Variants in ABCC9 observed in about 807,000 individuals in gnomAD.
ABCC9 encodes the protein ATP-binding cassette sub-family C member 9.
A neutral mutation model predicts 188.3 loss-of-function variants in ABCC9; 95 were observed. The observed-to-expected ratio is 0.50, with a 90% CI of 0.43 to 0.60. The LOEUF (loss-of-function observed/expected upper bound fraction) is 0.60, where lower values mean the gene tolerates loss of function less well. ABCC9 is among the 20% of genes least tolerant of loss of function. The probability of loss-of-function intolerance (pLI) is 0.00; values close to 1 mark genes in which losing one functional copy is unlikely to be tolerated. For missense variants in ABCC9, 1,102 were observed against 1,876.3 expected (o/e 0.59, Z 7.62); for synonymous variants, 659 against 652.7 (o/e 1.01, Z -0.15).
intron 15 of ABCC9, among the ~76,000 whole-genome samples, chr12:21,887,420 G>A (rs1946935292): frequency 6.6e-6 from 1 of 152,038 alleles, no homozygotes; most frequent in Non-Finnish European, 1.5e-5. Flanking sequence ...AATAAAAAGA[G>A]ACAATGTAAT....
At chr12:21,923,641 G>A in intron 5 of ABCC9, 2 of 549,032 alleles carry the variant, frequency 3.6e-6, no homozygotes, top group Non-Finnish European at 6.5e-6. Context: ...TGATGAACAT[G>A]TGGAACTGGA....
chr12:21,847,670 G>A (rs751351300), intron 25 of ABCC9, among the ~76,000 whole-genome samples: 15 of 138,754 alleles, frequency 1.1e-4, no homozygotes, highest in Admixed American at 7.0e-4. Context: ...CTGGAAAACT[G>A]AAACATAACA....
chr12:21,863,154 A>G, intron 19 of ABCC9, 100 bp from the exon 20 acceptor site: 1 of 787,698 alleles, frequency 1.3e-6, no homozygotes, highest in Non-Finnish European at 2.1e-6. Context: ...TTAGTAAACT[A>G]TCTCAGATAC....
intron 14 of ABCC9, among the ~76,000 whole-genome samples, chr12:21,893,668 G>T (rs1014904681): frequency 1.3e-5 from 2 of 152,014 alleles, no homozygotes; most frequent in Admixed American, 6.5e-5. Flanking sequence ...TTATGTTAGG[G>T]AGAAAATAGA....
chr12:21,913,473 T>G (rs1214404349), intron 7 of ABCC9, among the ~76,000 whole-genome samples: 1 of 152,156 alleles, frequency 6.6e-6, no homozygotes, highest in Non-Finnish European at 1.5e-5. Context: ...ACATCAAGGT[T>G]ATAGGCAGAC....
intron 24 of ABCC9, among the ~76,000 whole-genome samples, chr12:21,851,616 A>G (rs1592068892): frequency 6.6e-6 from 1 of 152,272 alleles, no homozygotes; most frequent in Non-Finnish European, 1.5e-5. Context: ...CTTTCACCCC[A>G]GAAGCCTTAT....
At chr12:21,850,853 A>G (rs1944928348) in intron 24 of ABCC9, among the ~76,000 whole-genome samples, 1 of 152,020 alleles carries the variant, frequency 6.6e-6, no homozygotes, top group Non-Finnish European at 1.5e-5. Context: ...ACTGTACCTG[A>G]TACTGTTTTG....
At chr12:21,838,045 C>T (rs1201631024) in intron 30 of ABCC9, 33 bp downstream of exon 30, 1 of 1,472,654 alleles carries the variant, frequency 6.8e-7, no homozygotes, top group Non-Finnish European at 9.5e-7. Flanking sequence ...ATGTTATTGC[C>T]TAGTCAGCTA....
At chr12:21,875,249 A>T (rs945750326) in intron 17 of ABCC9, among the ~76,000 whole-genome samples, 1 of 145,128 alleles carries the variant, frequency 6.9e-6, no homozygotes, top group Non-Finnish European at 1.5e-5. Context: ...AAAACTTTTT[A>T]AAAATATTAA....
chr12:21,845,836 C>G lies in ABCC9; in HGVS notation c.2867-4G>C. The G allele has an allele frequency of 6.2e-7, 1 of 1,611,800 alleles. No individual in the cohort carries two copies. The highest frequency in any genetic ancestry group is 8.5e-7 in the Non-Finnish European group (1 of 1,179,398). Reference sequence around the variant, plus strand: ...TCATCTTCCTCCTCTTCTTCCTCTACATACAAAAAACTTTTGTTTAAGCTT... The same window carrying G: ...TCATCTTCCTCCTCTTCTTCCTCTAGATACAAAAAACTTTTGTTTAAGCTT... On this transcript the variant is annotated splice_region_variant and splice_polypyrimidine_tract_variant and intron_variant, in intron 25 of 39. Coordinates refer to ENST00000261200, the MANE Select transcript of ABCC9 (RefSeq NM_020297.4).
At chr12:21,868,981 A>G (rs1224071489) in intron 18 of ABCC9, among the ~76,000 whole-genome samples, 1 of 152,192 alleles carries the variant, frequency 6.6e-6, no homozygotes, top group African/African-American at 2.4e-5. Flanking sequence ...ATCCTAAAAT[A>G]TGTTTTATCA....
intron 16 of ABCC9, among the ~76,000 whole-genome samples, chr12:21,877,333 G>C (rs1946411535): frequency 6.6e-6 from 1 of 152,126 alleles, no homozygotes; most frequent in South Asian, 2.1e-4. Context: ...GGAAAAAGAG[G>C]CCTTTTAACT....
rs867121966 is a variant in ABCC9, at chr12:21,915,512, A to T, written c.816+156T>A. Among the ~76,000 whole-genome samples, 3 of 378 alleles carry T rather than the reference A, an allele frequency of 7.9e-3. 1 individual carries two copies. The highest frequency in any genetic ancestry group is 9.9e-3 in the African/African-American group (2 of 202). The allele number at this position is 378 out of a possible 152,430, so 0.2% of individuals were successfully genotyped here. A position where few individuals can be genotyped will look rare whatever the true frequency, so the allele number is the denominator to read the frequency against. ...TGTGTGTGTGTGTGTATATATATAT[A>T]TATTTTTTTTTTTTTTTTGAGACAG... is the stretch of plus-strand genomic sequence containing the variant. On this transcript the variant is annotated intron_variant, in intron 7 of 39. Coordinates refer to ENST00000261200, the MANE Select transcript of ABCC9 (RefSeq NM_020297.4).
chr12:21,894,985 T>C (rs1379805641), intron 13 of ABCC9, among the ~76,000 whole-genome samples: 6 of 152,148 alleles, frequency 3.9e-5, no homozygotes, highest in African/African-American at 1.4e-4. Context: ...TTTGGCAATG[T>C]TTTGATTGTT....
intron 12 of ABCC9, among the ~76,000 whole-genome samples, chr12:21,900,107 G>A (rs138809747): frequency 0.024 from 3,685 of 152,248 alleles, 134 homozygotes; most frequent in African/African-American, 0.084. Flanking sequence ...CCTCTGAGAC[G>A]AAGCTTCCAG....
Position 21,863,043 on chromosome 12 carries a change from T to A in ABCC9, c.2249A>T (p.Tyr750Phe), listed in dbSNP as rs1190136765. 3 of 1,606,374 alleles carry A rather than the reference T, an allele frequency of 1.9e-6. No homozygotes were observed. The South Asian group carries it at 3.3e-5, about 18-fold the overall frequency. ...SFEATRSRNR[Y>F]SVAYAAQKPW... The stretch of plus-strand genomic sequence containing the variant: ...CTTTTGAGCTGCATATGCCACAGAG[T>A]ACCTGTTCCTACTGAAAAATGAAAA... Residue 750 changes from tyrosine (Y) to phenylalanine (F), a missense_variant, in exon 20 of 40, where the codon TAC becomes TTC. Physicochemically the swap from Tyr to Phe is conservative, Grantham distance 22 (BLOSUM62 3). This residue lies in a region of ABCC9 where 258 missense variants were observed against 325.6 expected (regional missense o/e 0.79). Transcript: ENST00000261200.
chr12:21,909,826 T>G (rs1011522431), intron 10 of ABCC9, among the ~76,000 whole-genome samples: 5 of 151,904 alleles, frequency 3.3e-5, no homozygotes, highest in Non-Finnish European at 7.4e-5. Context: ...TATAGACATA[T>G]TAATCTATTT....
chr12:21,925,914 G>A, intron 5 of ABCC9, 28 bp downstream of exon 5: 1 of 1,599,624 alleles, frequency 6.3e-7, no homozygotes, highest in Non-Finnish European at 8.6e-7. Flanking sequence ...TCTCTTTAAG[G>A]AGAAACAACA....
At chr12:21,818,278 A>T in intron 31 of ABCC9, 27 bp from the exon 32 acceptor site, 1 of 1,588,868 alleles carries the variant, frequency 6.3e-7, no homozygotes, top group South Asian at 1.1e-5. Context: ...GAAAATGTTA[A>T]AAGGTTACTC....
Sources: gnomAD v4.1 joint callset for allele counts (sites outside exome capture counted in the v4.1 genomes callset) on GRCh38, gnomAD v4.1.1 for gene constraint, gnomAD v4.1.1 regional missense constraint, MANE v1.5 for transcripts, NCBI Gene and HGNC (gene_info 2026-07-23, HGNC 2026-07-21) for gene names.